Variants in ATP8B1 observed in about 807,000 individuals in gnomAD.
ATP8B1 encodes the protein ATPase phospholipid transporting 8B1, also known as phospholipid-transporting ATPase IC.
A neutral mutation model predicts 149.9 loss-of-function variants in ATP8B1; 80 were observed. That is an observed-to-expected ratio of 0.53 (90% CI 0.45 to 0.64). The LOEUF is 0.64. Among genes scored for constraint, ATP8B1 ranks in the 30% least tolerant of loss-of-function variants. ATP8B1 has a pLI of 0.00. For synonymous variants in ATP8B1, 536 were observed against 562.8 expected (o/e 0.95, Z 0.67); for missense variants, 1,247 against 1,552.6 (o/e 0.80, Z 3.31).
Position 57,802,198 on chromosome 18 carries a change from A to G in ATP8B1, c.-26+800T>C, listed in dbSNP as rs1446797240. ...GAGAAGTGGGGGCGAGGGGTGTTAA[A>G]GCACTGGGCCATTCTCTGCAACATC... is the stretch of plus-strand genomic sequence containing the variant. On this transcript the variant is annotated intron_variant, in intron 1 of 27. Transcript: ENST00000648908. This position sits in a 1 kb window ranked among gnomAD's most constrained non-coding sequence, Gnocchi z 4.9. Among the ~76,000 whole-genome samples, 3 of 152,098 alleles carry G rather than the reference A, an allele frequency of 2.0e-5. No individual in the cohort carries two copies. Among genetic ancestry groups the G allele is most frequent in the Non-Finnish European group, 2.9e-5 (2 of 68,006 alleles).
intron 12 of ATP8B1, among the ~76,000 whole-genome samples, chr18:57,689,461 G>A (rs1159411894): frequency 1.3e-5 from 2 of 152,178 alleles, no homozygotes; most frequent in African/African-American, 4.8e-5. Context: ...TAAGGAAGCT[G>A]TTTACATAGC....
chr18:57,728,834 C>T (rs2079733003), intron 2 of ATP8B1, among the ~76,000 whole-genome samples: 1 of 151,642 alleles, frequency 6.6e-6, no homozygotes, highest in African/African-American at 2.4e-5. Flanking sequence ...ATTCTCCTGC[C>T]TCAGCCTCCC....
intron 26 of ATP8B1, among the ~76,000 whole-genome samples, chr18:57,651,048 G>A (rs1412785745): frequency 6.6e-6 from 1 of 151,942 alleles, no homozygotes; most frequent in Non-Finnish European, 1.5e-5. Context: ...GAGCAAATAA[G>A]GAAAAAAAGC....
intron 11 of ATP8B1, among the ~76,000 whole-genome samples, chr18:57,694,215 G>C (rs1912687657): frequency 1.3e-5 from 2 of 152,066 alleles, no homozygotes; most frequent in South Asian, 4.1e-4. Context: ...GCTTCTAAGA[G>C]AACTGCCTCT....
intron 1 of ATP8B1, among the ~76,000 whole-genome samples, chr18:57,753,942 A>AG (rs2080049758): frequency 2.1e-5 from 1 of 48,428 alleles, no homozygotes; most frequent in South Asian, 8.7e-4. Context: ...AAAAAAAAAA[A>AG]AAAAAAGAAA....
chr18:57,738,396 G>T (rs1173245402), intron 1 of ATP8B1, among the ~76,000 whole-genome samples: 1 of 152,190 alleles, frequency 6.6e-6, no homozygotes, highest in Non-Finnish European at 1.5e-5. Flanking sequence ...GACCGAGGCG[G>T]GTGGATCAAC....
At chr18:57,732,209 ATATATGTG>A (rs1568044124) in intron 1 of ATP8B1, among the ~76,000 whole-genome samples, 1,172 of 59,772 alleles carry the variant, frequency 0.02, 105 homozygotes, top group South Asian at 0.05. Flanking sequence ...GTATATATGT[ATATATGTG>A]TATATATGTA....
At chr18:57,749,460 A>AGTT (rs1412124866) in intron 1 of ATP8B1, among the ~76,000 whole-genome samples, 1 of 152,204 alleles carries the variant, frequency 6.6e-6, no homozygotes, top group Non-Finnish European at 1.5e-5. Context: ...AATGAAAACA[A>AGTT]TCCTCTTTAA....
chr18:57,759,310 G>A lies in ATP8B1; in HGVS notation c.-25-27478C>T, dbSNP rs1232309184. 3.9e-5 allele frequency among the ~76,000 whole-genome samples: 6 copies of A among 152,194 alleles called. No individual in the cohort carries two copies. The South Asian group carries it at 1.2e-3, about 32-fold the overall frequency. On this transcript the variant is annotated intron_variant, in intron 1 of 27. Transcript: ENST00000648908. ...TTAAAGACTCAACTTTAACCTAAGG[G>A]TAGCATATTACTGCAGTGAATTTAT... is the stretch of plus-strand genomic sequence containing the variant.
intron 1 of ATP8B1, among the ~76,000 whole-genome samples, chr18:57,789,708 C>T (rs1356323960): frequency 6.6e-6 from 1 of 152,146 alleles, no homozygotes; most frequent in Non-Finnish European, 1.5e-5. Context: ...CTGTATCAGC[C>T]CTCCACCCTG....
Position 57,661,659 on chromosome 18 carries a change from G to A in ATP8B1, c.2419-197C>T, listed in dbSNP as rs140603836. On this transcript the variant is annotated intron_variant, in intron 21 of 27. Transcript: ENST00000648908. Reference sequence around the variant, plus strand: ...TGTATATACACACGCACACATATATGTATGTGTGTATGTATATACACACAC... The same window carrying A: ...TGTATATACACACGCACACATATATATATGTGTGTATGTATATACACACAC... 2.1e-3 allele frequency among the ~76,000 whole-genome samples: 212 copies of A among 100,576 alleles called. 8 individuals carry two copies. In the East Asian group the frequency reaches 0.056, roughly 27 times the overall value. 66.0% of individuals were successfully genotyped at this position (100,576 alleles called of 152,430 possible). A position where few individuals can be genotyped will look rare whatever the true frequency, so the allele number is the denominator to read the frequency against.
At chr18:57,733,533 C>T (rs2079811734) in intron 1 of ATP8B1, among the ~76,000 whole-genome samples, 1 of 151,996 alleles carries the variant, frequency 6.6e-6, no homozygotes, top group Non-Finnish European at 1.5e-5. Context: ...AGTGAAACCC[C>T]GTTTCTACTA....
intron 11 of ATP8B1, 83 bp from the exon 12 acceptor site, chr18:57,692,080 C>A: frequency 6.5e-7 from 1 of 1,544,610 alleles, no homozygotes; most frequent in South Asian, 1.2e-5. Flanking sequence ...TAACCTTACT[C>A]AATACTTCAT....
In ATP8B1 at chr18:57,668,333, A is replaced by G. The variant is rs942163759; in HGVS notation, c.2209+96T>C. 1.1e-4 allele frequency: 154 copies of G among 1,360,586 alleles called. No individual in the cohort carries two copies. The African/African-American group carries it at 1.7e-3, about 15-fold the overall frequency. 84.3% of individuals were successfully genotyped at this position (1,360,586 alleles called of 1,614,324 possible). A position where few individuals can be genotyped will look rare whatever the true frequency, so the allele number is the denominator to read the frequency against. Reference sequence around the variant, plus strand: ...CCGTCCAAAGAAACAGTGTTTGTACAGGATGAAAAGTCTGAGGAGGTCATC... The same window carrying G: ...CCGTCCAAAGAAACAGTGTTTGTACGGGATGAAAAGTCTGAGGAGGTCATC... On this transcript the variant is annotated intron_variant, in intron 19 of 27. Transcript: ENST00000648908.
At position 57,669,586 on chromosome 18, in the gene ATP8B1, T is replaced by C. The variant is rs149573587; in HGVS notation, c.1933-104A>G. On this transcript the variant is annotated intron_variant, in intron 17 of 27. Transcript: ENST00000648908. ...ACTTTGAAGTAATATACTAACAGAATTTAAAAAGAGATCATTAAACATGAC... is the reference window on the plus strand; with the variant it reads ...ACTTTGAAGTAATATACTAACAGAACTTAAAAAGAGATCATTAAACATGAC... The C allele has an allele frequency of 2.4e-5, 25 of 1,059,896 alleles. No homozygotes were observed. The East Asian group carries it at 5.9e-4, about 25-fold the overall frequency. 65.7% of individuals were successfully genotyped at this position (1,059,896 alleles called of 1,614,324 possible).
At chr18:57,709,582 G>A (rs1913587509) in intron 2 of ATP8B1, among the ~76,000 whole-genome samples, 1 of 152,132 alleles carries the variant, frequency 6.6e-6, no homozygotes, top group Non-Finnish European at 1.5e-5. Flanking sequence ...TGTCTGCTTG[G>A]AACAGAGAAC....
At chr18:57,670,446 G>A (rs1038252012) in intron 17 of ATP8B1, among the ~76,000 whole-genome samples, 1 of 148,538 alleles carries the variant, frequency 6.7e-6, no homozygotes, top group African/African-American at 2.5e-5. Context: ...CTGCCTCCCT[G>A]GTTCACGCCA....
intron 15 of ATP8B1, among the ~76,000 whole-genome samples, chr18:57,676,717 CAAAAAAA>C (rs58101846): frequency 8.7e-5 from 8 of 92,204 alleles, no homozygotes; most frequent in East Asian, 3.4e-4. Context: ...GACTCCATTT[CAAAAAAA>C]AAAAAAAAAA....
chr18:57,649,306 C>T (rs1909446065), intron 27 of ATP8B1, among the ~76,000 whole-genome samples: 1 of 152,076 alleles, frequency 6.6e-6, no homozygotes, highest in East Asian at 1.9e-4. Flanking sequence ...ATCTACCTAC[C>T]TACCTACCTG....
Sources: gnomAD v4.1 joint callset for allele counts (sites outside exome capture counted in the v4.1 genomes callset) on GRCh38, gnomAD v4.1.1 for gene constraint, Gnocchi (gnomAD v3.1) non-coding constraint, MANE v1.5 for transcripts, NCBI Gene and HGNC (gene_info 2026-07-23, HGNC 2026-07-21) for gene names.